The following ARMC9 variants were observed in gnomAD, a reference collection of about 807,000 sequenced individuals.
The protein encoded by ARMC9 is armadillo repeat containing 9, also known as lisH domain-containing protein ARMC9.
A neutral mutation model predicts 107.0 loss-of-function variants in ARMC9; 94 were observed. That is an observed-to-expected ratio of 0.88 (90% CI 0.74 to 1.04). The LOEUF (loss-of-function observed/expected upper bound fraction) is 1.04. Among genes scored for constraint, ARMC9 ranks in the 50% least tolerant of loss-of-function variants. The pLI, the probability that ARMC9 is intolerant of heterozygous loss-of-function variation, is 0.00. For synonymous variants in ARMC9, 380 were observed against 396.9 expected (o/e 0.96, Z 0.51); for missense variants, 942 against 1,030.1 (o/e 0.91, Z 1.17).
intron 14 of ARMC9, among the ~76,000 whole-genome samples, chr2:231,275,612 T>C (rs1236360127): frequency 2.6e-5 from 4 of 152,254 alleles, no homozygotes; most frequent in Non-Finnish European, 5.9e-5. Flanking sequence ...TCTTTATTTT[T>C]ATACAGCTCA....
At chr2:231,340,077 A>T (rs2044403080) in intron 20 of ARMC9, among the ~76,000 whole-genome samples, 1 of 152,242 alleles carries the variant, frequency 6.6e-6, no homozygotes, top group Non-Finnish European at 1.5e-5. Context: ...TTTATGTGAC[A>T]TGGGAGCTCT....
chr2:231,362,463 G>C lies in ARMC9; in HGVS notation c.2261+1580G>C, dbSNP rs1168532438. On this transcript the variant is annotated intron_variant, in intron 23 of 24. Coordinates refer to ENST00000611582, the MANE Select transcript of ARMC9 (RefSeq NM_001352754.2). The surrounding 1 kb of genome is among the most constrained non-coding windows in gnomAD (Gnocchi z 4.7). ...CCCAGAAATAACTGTTTTCACAGTAGGTAGGCAGCCGACCCTGAGGGACCT... is the reference window on the plus strand; with the variant it reads ...CCCAGAAATAACTGTTTTCACAGTACGTAGGCAGCCGACCCTGAGGGACCT... 6.6e-6 allele frequency among the ~76,000 whole-genome samples: 1 copy of C among 152,022 alleles called. No individual in the cohort carries two copies. Among genetic ancestry groups the C allele is most frequent in the African/African-American group, 2.4e-5 (1 of 41,360 alleles).
chr2:231,227,895 A>T (rs1435891273), intron 7 of ARMC9, among the ~76,000 whole-genome samples: 2 of 152,180 alleles, frequency 1.3e-5, no homozygotes, highest in African/African-American at 4.8e-5. Context: ...CTCAGAGGGG[A>T]CAGGCCCTGC....
Position 231,360,714 on chromosome 2 carries a change from C to T in ARMC9, c.2132-40C>T. On this transcript the variant is annotated intron_variant, in intron 22 of 24. Transcript: ENST00000611582. This position sits in a 1 kb window ranked among gnomAD's most constrained non-coding sequence, Gnocchi z 4.7. ...CGAGAGGGCATCCTTAGAGGGGCTCCAGAGCAGATGTGGACTGAACTTTCT... is the reference window on the plus strand; with the variant it reads ...CGAGAGGGCATCCTTAGAGGGGCTCTAGAGCAGATGTGGACTGAACTTTCT... 1 of 1,536,142 alleles carries T rather than the reference C, an allele frequency of 6.5e-7. No homozygotes were observed.
intron 20 of ARMC9, among the ~76,000 whole-genome samples, chr2:231,333,342 TTCAC>T (rs2043866244): frequency 6.6e-6 from 1 of 152,210 alleles, no homozygotes; most frequent in Non-Finnish European, 1.5e-5. Context: ...CCACTACATT[TTCAC>T]TCTGCTGCTT....
chr2:231,261,689 A>G (rs1318558124), intron 11 of ARMC9, among the ~76,000 whole-genome samples: 1 of 152,128 alleles, frequency 6.6e-6, no homozygotes, highest in African/African-American at 2.4e-5. Flanking sequence ...CCCTTTATAT[A>G]AGAAATGCTT....
intron 21 of ARMC9, among the ~76,000 whole-genome samples, chr2:231,354,263 TAAAAAAAAAAA>T (rs759691541): frequency 7.0e-5 from 7 of 100,474 alleles, no homozygotes; most frequent in South Asian, 6.2e-4. Context: ...CATCTCCATT[TAAAAAAAAAAA>T]AAAAAAAAAA....
intron 6 of ARMC9, among the ~76,000 whole-genome samples, chr2:231,224,463 G>T (rs2034455637): frequency 6.6e-6 from 1 of 151,950 alleles, no homozygotes; most frequent in South Asian, 2.1e-4. Context: ...AAAAAAATAA[G>T]AATAAAAAAA....
chr2:231,204,175 G>A (rs78623468), intron 1 of ARMC9, among the ~76,000 whole-genome samples: 2 of 76,716 alleles, frequency 2.6e-5, no homozygotes. Flanking sequence ...CTCTGTCTCA[G>A]GAAAAAAAAA....
rs1377494263 is a variant in ARMC9 at position 231,279,861 on chromosome 2, ATT to A, written c.1551+1406_1551+1407del. Among the ~76,000 whole-genome samples the A allele has an allele frequency of 3.3e-5, 5 of 151,912 alleles. No individual in the cohort carries two copies. In the South Asian group the frequency reaches 1.0e-3, roughly 32 times the overall value. On this transcript the variant is annotated intron_variant, in intron 16 of 24. Transcript: ENST00000611582. ...CTCCCATTCTGGTCATTCCATTCAC[ATT>A]TTACACCAGCCCTATCCACTGATTG...
At chr2:231,229,216 G>C (rs1373324038) in intron 7 of ARMC9, among the ~76,000 whole-genome samples, 3 of 152,142 alleles carry the variant, frequency 2.0e-5, no homozygotes, top group African/African-American at 4.8e-5. Context: ...AGGCATGACA[G>C]TCATTTGTCA....
At chr2:231,271,113 T>C in intron 13 of ARMC9, 41 bp downstream of exon 13, 2 of 1,590,386 alleles carry the variant, frequency 1.3e-6, no homozygotes, top group Non-Finnish European at 1.7e-6. Flanking sequence ...AGCTAGGTCA[T>C]ATTGATGTGC....
chr2:231,353,606 A>G (rs948722296), intron 21 of ARMC9, among the ~76,000 whole-genome samples: 3 of 150,862 alleles, frequency 2.0e-5, no homozygotes, highest in Non-Finnish European at 2.9e-5. Context: ...GCCCGCAAAC[A>G]GCCAAGCCAG....
intron 2 of ARMC9, 98 bp from the exon 3 acceptor site, chr2:231,208,029 G>A: frequency 3.2e-6 from 2 of 615,416 alleles, no homozygotes; most frequent in South Asian, 4.3e-5. Context: ...TCTTTTTAAT[G>A]TCTTCTTTGG....
rs7556788 is a variant in ARMC9 at position 231,199,917 on chromosome 2, C to T, written c.-42+1219C>T. 4.3e-3 allele frequency among the ~76,000 whole-genome samples: 658 copies of T among 152,172 alleles called. 4 individuals are homozygous for T. The highest frequency in any genetic ancestry group is 0.016 in the African/African-American group (645 of 41,496). On this transcript the variant is annotated intron_variant, in intron 1 of 24. Transcript: ENST00000611582. The stretch of plus-strand genomic sequence containing the variant: ...TCCACCATGTTGATCAGGCTGGTCT[C>T]GAACTCCTGACCTCAGGTGATCCGC...
chr2:231,227,191 G>A (rs947660957), intron 7 of ARMC9, among the ~76,000 whole-genome samples: 12 of 151,958 alleles, frequency 7.9e-5, no homozygotes, highest in Non-Finnish European at 1.8e-4. Flanking sequence ...TGGGGTCTTC[G>A]AAGACATATG....
At chr2:231,268,494 T>C (rs1488350367) in intron 12 of ARMC9, among the ~76,000 whole-genome samples, 1 of 152,174 alleles carries the variant, frequency 6.6e-6, no homozygotes, top group Non-Finnish European at 1.5e-5. Context: ...CACCAAACTT[T>C]TATTGATTCC....
chr2:231,314,169 T>G (rs1487664410), intron 19 of ARMC9, among the ~76,000 whole-genome samples: 2 of 151,250 alleles, frequency 1.3e-5, no homozygotes, highest in African/African-American at 4.9e-5. Flanking sequence ...AACCTCCGCC[T>G]CACAGGTTCA....
chr2:231,358,641 C>T lies in ARMC9; in HGVS notation c.2132-2113C>T, dbSNP rs1345447549. Among the ~76,000 whole-genome samples the T allele has an allele frequency of 6.6e-6, 1 of 152,232 alleles. No individual in the cohort carries two copies. Among genetic ancestry groups the T allele is most frequent in the Admixed American group, 6.5e-5 (1 of 15,284 alleles). On this transcript the variant is annotated intron_variant, in intron 22 of 24. Transcript: ENST00000611582. This position sits in a 1 kb window ranked among gnomAD's most constrained non-coding sequence, Gnocchi z 4.5. Reference sequence around the variant, plus strand: ...CCCAGAGACCCCGTGGAAACCCCCACCTTCACGCTGAGTTTCTTGAGGAAG... The same window carrying T: ...CCCAGAGACCCCGTGGAAACCCCCATCTTCACGCTGAGTTTCTTGAGGAAG...
Sources: gnomAD v4.1 joint callset for allele counts (sites outside exome capture counted in the v4.1 genomes callset) on GRCh38, gnomAD v4.1.1 for gene constraint, Gnocchi (gnomAD v3.1) non-coding constraint, MANE v1.5 for transcripts, NCBI Gene and HGNC (gene_info 2026-07-23, HGNC 2026-07-21) for gene names.